INPP4A: variants seen among roughly 807,000 people sequenced by gnomAD.
The protein encoded by INPP4A is inositol polyphosphate-4-phosphatase, type I, 107kD.
A neutral mutation model predicts 119.8 loss-of-function variants in INPP4A; 33 were observed. That is an observed-to-expected ratio of 0.28 (90% CI 0.21 to 0.37). INPP4A has a LOEUF of 0.37. Among genes scored for constraint, INPP4A ranks in the 10% least tolerant of loss-of-function variants. INPP4A has a pLI of 1.00. For synonymous variants in INPP4A, 496 were observed against 500.7 expected, an observed-to-expected ratio of 0.99 and a Z score of 0.12; for missense variants, 956 against 1,289.9, an observed-to-expected ratio of 0.74 and a Z score of 3.97.
chr2:98,450,329 T>A (rs1695008068), intron 1 of INPP4A, among the ~76,000 whole-genome samples: 1 of 152,248 alleles, frequency 6.6e-6, no homozygotes, highest in African/African-American at 2.4e-5. Context: ...AGCTTTTCAA[T>A]GAGGGATAAA....
At chr2:98,451,065 C>T (rs1299820514) in intron 1 of INPP4A, among the ~76,000 whole-genome samples, 1 of 152,200 alleles carries the variant, frequency 6.6e-6, no homozygotes, top group Non-Finnish European at 1.5e-5. Context: ...GCCACTGCAC[C>T]CGGCCTTAGC....
At chr2:98,509,097 T>C (rs889682404) in intron 1 of INPP4A, among the ~76,000 whole-genome samples, 3 of 152,194 alleles carry the variant, frequency 2.0e-5, no homozygotes, top group African/African-American at 7.2e-5. Flanking sequence ...CCTCAGGTTG[T>C]CTACCATTCA....
At chr2:98,516,379 C>G (rs555545219) in intron 1 of INPP4A, among the ~76,000 whole-genome samples, 18 of 152,198 alleles carry the variant, frequency 1.2e-4, no homozygotes, top group Non-Finnish European at 2.2e-4. Context: ...CCCCTTTAAG[C>G]ATTTCTATCT....
rs549793624 is a variant in INPP4A, at chr2:98,573,631, A to T, written c.2631+704A>T. 2.0e-5 allele frequency among the ~76,000 whole-genome samples: 3 copies of T among 152,232 alleles called. No individual in the cohort carries two copies. In the East Asian group the frequency reaches 5.8e-4, roughly 29 times the overall value. On this transcript the variant is annotated intron_variant, in intron 23 of 24. Transcript: ENST00000409851. The stretch of plus-strand genomic sequence containing the variant: ...CCACCACGCCTCGTCACAGAGCTCG[A>T]GCAGCAGAGGGTCCAGCCCTCCACA...
intron 1 of INPP4A, among the ~76,000 whole-genome samples, chr2:98,461,962 C>T (rs1697242011): frequency 6.6e-6 from 1 of 152,212 alleles, no homozygotes; most frequent in Non-Finnish European, 1.5e-5. Context: ...GCTGCACCCC[C>T]CTTGCTCTGA....
chr2:98,462,496 A>G (rs1232160706), intron 1 of INPP4A, among the ~76,000 whole-genome samples: 1 of 152,112 alleles, frequency 6.6e-6, no homozygotes, highest in Admixed American at 6.5e-5. Flanking sequence ...ATTACCTTCT[A>G]GTTACACACA....
At chr2:98,531,841 G>A (rs1689295341) in intron 4 of INPP4A, among the ~76,000 whole-genome samples, 2 of 152,218 alleles carry the variant, frequency 1.3e-5, no homozygotes, top group South Asian at 4.1e-4. Context: ...TAAGTAGAAG[G>A]CTGATGATTC....
chr2:98,451,155 C>A (rs1489233534), intron 1 of INPP4A, among the ~76,000 whole-genome samples: 4 of 152,180 alleles, frequency 2.6e-5, no homozygotes, highest in Non-Finnish European at 4.4e-5. Context: ...CTGGTCTTTG[C>A]ACATACCTTT....
intron 10 of INPP4A, among the ~76,000 whole-genome samples, chr2:98,543,252 T>C (rs1482582573): frequency 6.6e-6 from 1 of 152,200 alleles, no homozygotes; most frequent in African/African-American, 2.4e-5. Flanking sequence ...GAAGGGCTTG[T>C]GACTGCAGCA....
chr2:98,446,555 G>T (rs1694227419), intron 1 of INPP4A, among the ~76,000 whole-genome samples: 1 of 152,162 alleles, frequency 6.6e-6, no homozygotes, highest in South Asian at 2.1e-4. Context: ...AGCCAGAGCT[G>T]CTTGGTAGAG....
chr2:98,547,693 G>C (rs2106122179), intron 13 of INPP4A, among the ~76,000 whole-genome samples: 1 of 152,188 alleles, frequency 6.6e-6, no homozygotes, highest in East Asian at 1.9e-4. Flanking sequence ...GATGAGGTAA[G>C]GTGAATGAGA....
intron 1 of INPP4A, among the ~76,000 whole-genome samples, chr2:98,502,225 G>T (rs1683259761): frequency 6.6e-6 from 1 of 152,188 alleles, no homozygotes; most frequent in Non-Finnish European, 1.5e-5. Flanking sequence ...CCAGAGGCCT[G>T]CCCACAGTGG....
At chr2:98,582,435 C>T (rs1437047307) in intron 24 of INPP4A, among the ~76,000 whole-genome samples, 1 of 152,224 alleles carries the variant, frequency 6.6e-6, no homozygotes, top group African/African-American at 2.4e-5. Flanking sequence ...AGATCACCTA[C>T]TGCATACGCC....
At chr2:98,508,846 C>A (rs1684586785) in intron 1 of INPP4A, among the ~76,000 whole-genome samples, 1 of 151,908 alleles carries the variant, frequency 6.6e-6, no homozygotes, top group African/African-American at 2.4e-5. Context: ...TACAGTGTTC[C>A]TGTTGTCTTT....
chr2:98,461,169 C>T (rs137922559), intron 1 of INPP4A, among the ~76,000 whole-genome samples: 36 of 152,228 alleles, frequency 2.4e-4, no homozygotes, highest in South Asian at 4.1e-4. Flanking sequence ...ATTACAGGGA[C>T]GGGGGTTGGC....
chr2:98,471,222 C>T lies in INPP4A; in HGVS notation c.-166+26137C>T, dbSNP rs931485040. Among the ~76,000 whole-genome samples, 3 of 152,206 alleles carry T rather than the reference C, an allele frequency of 2.0e-5. No individual in the cohort carries two copies. The South Asian group carries it at 6.2e-4, about 32-fold the overall frequency. Reference sequence around the variant, plus strand: ...TGTCTGTGGCTTCACTGTAGATGGCCGTTGTGAATGATGTCCTGACCTGAG... The same window carrying T: ...TGTCTGTGGCTTCACTGTAGATGGCTGTTGTGAATGATGTCCTGACCTGAG... On this transcript the variant is annotated intron_variant, in intron 1 of 24. Coordinates refer to ENST00000409851, the MANE Select transcript of INPP4A (RefSeq NM_001134225.2).
At chr2:98,536,880 C>G (rs1047747037) in intron 7 of INPP4A, among the ~76,000 whole-genome samples, 2 of 152,186 alleles carry the variant, frequency 1.3e-5, no homozygotes, top group Non-Finnish European at 2.9e-5. Flanking sequence ...CATTGGCTGT[C>G]TAATCAGTGG....
chr2:98,457,461 A>G (rs753050957), intron 1 of INPP4A, among the ~76,000 whole-genome samples: 5 of 152,224 alleles, frequency 3.3e-5, no homozygotes, highest in Non-Finnish European at 5.9e-5. Context: ...CTGCTGTGTC[A>G]TTCTTTGGGA....
intron 1 of INPP4A, among the ~76,000 whole-genome samples, chr2:98,465,501 G>A (rs904690053): frequency 2.6e-5 from 4 of 152,182 alleles, no homozygotes; most frequent in African/African-American, 9.7e-5. Flanking sequence ...ACATTAATAG[G>A]TTCCAAGGAT....
Sources: gnomAD v4.1 joint callset for allele counts (sites outside exome capture counted in the v4.1 genomes callset) on GRCh38, gnomAD v4.1.1 for gene constraint, MANE v1.5 for transcripts, NCBI Gene and HGNC (gene_info 2026-07-23, HGNC 2026-07-21) for gene names.